BMP2K: variants seen among roughly 807,000 people sequenced by gnomAD.
BMP2K encodes the protein BMP-2-inducible protein kinase.
In BMP2K, 74 loss-of-function variants were observed where a neutral mutation model predicts 116.0. The ratio of observed to expected loss-of-function variants is 0.64; its 90% confidence interval spans 0.53 to 0.77. The LOEUF is 0.77. BMP2K is among the 30% of genes least tolerant of loss of function. BMP2K has a pLI of 0.00. For synonymous variants in BMP2K, 486 were observed against 502.5 expected, an observed-to-expected ratio of 0.97 and a Z score of 0.44; for missense variants, 1,365 against 1,403.6, an observed-to-expected ratio of 0.97 and a Z score of 0.44.
chr4:78,783,213 A>G (rs974488587), intron 1 of BMP2K, among the ~76,000 whole-genome samples: 1 of 152,224 alleles, frequency 6.6e-6, no homozygotes, highest in Admixed American at 6.5e-5. Context: ...TTCAAGTTTC[A>G]ATCAGCTATA....
At chr4:78,814,516 A>G (rs1167379411) in intron 1 of BMP2K, among the ~76,000 whole-genome samples, 3 of 152,208 alleles carry the variant, frequency 2.0e-5, no homozygotes, top group Non-Finnish European at 4.4e-5. Flanking sequence ...TGTTCTCATG[A>G]TAGTGAGTGA....
intron 1 of BMP2K, among the ~76,000 whole-genome samples, chr4:78,787,087 C>G (rs1578465428): frequency 6.6e-6 from 1 of 152,052 alleles, no homozygotes; most frequent in Non-Finnish European, 1.5e-5. Flanking sequence ...CAGTGCTGTA[C>G]TCATGATAGT....
intron 7 of BMP2K, among the ~76,000 whole-genome samples, chr4:78,852,679 A>G (rs1731316198): frequency 6.6e-6 from 1 of 152,054 alleles, no homozygotes; most frequent in Admixed American, 6.6e-5. Context: ...TTGTGATCAT[A>G]GCTTACTATA....
At chr4:78,803,299 C>G (rs1234260655) in intron 1 of BMP2K, among the ~76,000 whole-genome samples, 1 of 151,938 alleles carries the variant, frequency 6.6e-6, no homozygotes, top group East Asian at 1.9e-4. Context: ...TTATAATTCC[C>G]TCATAAAGCT....
chr4:78,789,025 G>A (rs950028039), intron 1 of BMP2K, among the ~76,000 whole-genome samples: 8 of 151,374 alleles, frequency 5.3e-5, no homozygotes, highest in African/African-American at 1.7e-4. Context: ...ACGAAATATA[G>A]GAAACAATGT....
rs374541782 is a variant in BMP2K, at chr4:78,864,382, C to CAT, written c.1068-1165_1068-1164dup. On this transcript the variant is annotated intron_variant, in intron 9 of 15. Coordinates refer to ENST00000502613, the MANE Select transcript of BMP2K (RefSeq NM_198892.2). ...CATTAAAACAAGATATAATTGATTA[C>CAT]ATATATATATACACCGATATATATA... Among the ~76,000 whole-genome samples, 762 of 151,258 alleles carry CAT rather than the reference C, an allele frequency of 5.0e-3. 3 individuals carry two copies. The highest frequency in any genetic ancestry group is 0.016 in the African/African-American group (652 of 41,276).
At position 78,912,119 on chromosome 4, in the gene BMP2K, T is replaced by A; in HGVS notation, c.*86T>A. Reference sequence around the variant, plus strand: ...AATTTGAAAGAAAATTTGGTAGCTCTTTATAGCATTCATTCTTAAAGATCA... The same window carrying A: ...AATTTGAAAGAAAATTTGGTAGCTCATTATAGCATTCATTCTTAAAGATCA... On this transcript the variant is annotated 3_prime_UTR_variant, in exon 16 of 16. Transcript: ENST00000502613. 1.7e-6 allele frequency: 2 copies of A among 1,186,158 alleles called. No homozygotes were observed. Among genetic ancestry groups the A allele is most frequent in the Non-Finnish European group, 2.4e-6 (2 of 830,528 alleles). The allele number at this position is 1,186,158 out of a possible 1,614,324, so 73.5% of individuals were successfully genotyped here. A position where few individuals can be genotyped will look rare whatever the true frequency, so the allele number is the denominator to read the frequency against.
chr4:78,874,337 A>G (rs992985119), intron 13 of BMP2K, among the ~76,000 whole-genome samples: 1 of 152,218 alleles, frequency 6.6e-6, no homozygotes, highest in African/African-American at 2.4e-5. Flanking sequence ...AAAACATATT[A>G]TACATTTTAA....
intron 2 of BMP2K, among the ~76,000 whole-genome samples, chr4:78,830,794 T>C (rs1730171470): frequency 6.6e-6 from 1 of 152,230 alleles, no homozygotes; most frequent in Admixed American, 6.5e-5. Context: ...TTGAAGGCAG[T>C]TGGGGCTTTG....
At chr4:78,890,604 AT>A (rs1733382786) in intron 15 of BMP2K, among the ~76,000 whole-genome samples, 1 of 152,056 alleles carries the variant, frequency 6.6e-6, no homozygotes, top group Non-Finnish European at 1.5e-5. Flanking sequence ...TATAATCACT[AT>A]GTTTTTTGTT....
Position 78,870,789 on chromosome 4 carries a change from T to C in BMP2K, c.1238T>C (p.Leu413Pro), listed in dbSNP as rs752677759. 10 of 1,613,534 alleles carry C rather than the reference T, an allele frequency of 6.2e-6. No homozygotes were observed. Among genetic ancestry groups the C allele is most frequent in the Non-Finnish European group, 8.5e-6 (10 of 1,179,536 alleles). The change falls in exon 11 of 16, where the codon CTA (leucine) becomes CCA (proline). Residue 413 changes from leucine (L) to proline (P), a missense_variant. Physicochemically the swap from Leu to Pro is moderately conservative, Grantham distance 98. Coordinates refer to ENST00000502613, the MANE Select transcript of BMP2K (RefSeq NM_198892.2). ...EFGNHRPKGA[L>P]RPGNGPEILL... Reference sequence around the variant, plus strand: ...TGTTTGGACCTGTCTTTAGGGGCACTAAGACCTGGAAATGGCCCTGAAATT... The same window carrying C: ...TGTTTGGACCTGTCTTTAGGGGCACCAAGACCTGGAAATGGCCCTGAAATT...
chr4:78,811,471 C>T (rs1459710773), intron 1 of BMP2K, among the ~76,000 whole-genome samples: 1 of 152,142 alleles, frequency 6.6e-6, no homozygotes, highest in Non-Finnish European at 1.5e-5. Context: ...ACAAGTCTAT[C>T]TTATTAGAAT....
Position 78,911,791 on chromosome 4 carries a change from C to T in BMP2K, c.3244C>T (p.His1082Tyr), listed in dbSNP as rs1734630935. The change falls in exon 16 of 16, where the codon CAC becomes TAC. Residue 1082 changes from histidine (H) to tyrosine (Y), a missense_variant. Physicochemically the swap from His to Tyr is moderately conservative, Grantham distance 83 (BLOSUM62 2). This residue lies in a region of BMP2K where 596 missense variants were observed against 623.2 expected (regional missense o/e 0.96). Coordinates refer to ENST00000502613, the MANE Select transcript of BMP2K (RefSeq NM_198892.2). ...CTTCCATTCTCCAGACCTGTCATGG[C>T]ACCCTCCACATCAGGGCCTGAGCGA... is the stretch of plus-strand genomic sequence containing the variant. ...KPFHSPDLSWHPPHQGLSDIR... is the reference protein window; with the variant it reads ...KPFHSPDLSWYPPHQGLSDIR... 5.6e-6 allele frequency: 9 copies of T among 1,614,016 alleles called. No individual in the cohort carries two copies. The highest frequency in any genetic ancestry group is 7.6e-6 in the Non-Finnish European group (9 of 1,179,890).
At chr4:78,886,467 G>GT (rs1338593168) in intron 14 of BMP2K, among the ~76,000 whole-genome samples, 1 of 152,048 alleles carries the variant, frequency 6.6e-6, no homozygotes, top group Non-Finnish European at 1.5e-5. Flanking sequence ...CCTATTATTT[G>GT]TTTTTTCCAC....
chr4:78,862,028 C>T (rs546676818), intron 9 of BMP2K, among the ~76,000 whole-genome samples: 45 of 151,796 alleles, frequency 3.0e-4, no homozygotes, highest in Middle Eastern at 3.4e-3. Flanking sequence ...TTTTTCCCCC[C>T]CTCACACTTT....
chr4:78,776,473 G>A lies in BMP2K; in HGVS notation c.-71G>A. 5 of 1,104,482 alleles carry A rather than the reference G, an allele frequency of 4.5e-6. No individual in the cohort carries two copies. The highest frequency in any genetic ancestry group is 5.5e-6 in the Non-Finnish European group (5 of 906,604). 68.4% of individuals were successfully genotyped at this position (1,104,482 alleles called of 1,614,324 possible). ...CCAGGGGCGGCGACCCCTCGCGGAC[G>A]CCCGGCTGCGCGCCGGGCCGGGGAC... is the stretch of plus-strand genomic sequence containing the variant. On this transcript the variant is annotated 5_prime_UTR_variant, in exon 1 of 16. Coordinates refer to ENST00000502613, the MANE Select transcript of BMP2K (RefSeq NM_198892.2).
At chr4:78,881,532 G>C (rs1249853160) in intron 14 of BMP2K, among the ~76,000 whole-genome samples, 7 of 152,066 alleles carry the variant, frequency 4.6e-5, no homozygotes, top group Non-Finnish European at 1.0e-4. Flanking sequence ...ATAAAGTTGT[G>C]TATAAAATGT....
intron 7 of BMP2K, among the ~76,000 whole-genome samples, chr4:78,855,019 C>G (rs2110038332): frequency 6.6e-6 from 1 of 152,156 alleles, no homozygotes; most frequent in East Asian, 1.9e-4. Context: ...TGGGTTTCTA[C>G]TTGTAGAGAG....
At chr4:78,814,240 C>T (rs555126152) in intron 1 of BMP2K, among the ~76,000 whole-genome samples, 1 of 152,282 alleles carries the variant, frequency 6.6e-6, no homozygotes, top group African/African-American at 2.4e-5. Context: ...ATGCTCATGC[C>T]GTTGCAAATG....
Sources: allele counts gnomAD v4.1 joint callset (sites outside exome capture counted in the v4.1 genomes callset), GRCh38; gene constraint gnomAD v4.1.1; regional missense constraint gnomAD v4.1.1; transcripts MANE v1.5; gene names NCBI Gene and HGNC (gene_info 2026-07-23, HGNC 2026-07-21).